Variants in KHDRBS2 observed in about 807,000 individuals in gnomAD.
KHDRBS2 encodes KH domain-containing, RNA-binding, signal transduction-associated protein 2.
A neutral mutation model predicts 44.3 loss-of-function variants in KHDRBS2; 26 were observed. The observed-to-expected ratio is 0.59, with a 90% CI of 0.43 to 0.81. The LOEUF (loss-of-function observed/expected upper bound fraction) is 0.81, where lower values mean the gene tolerates loss of function less well. Ranked by LOEUF, KHDRBS2 falls within the 40% of genes least tolerant of loss-of-function variation. The pLI, the probability that KHDRBS2 is intolerant of heterozygous loss-of-function variation, is 0.00. For missense variants in KHDRBS2, 476 were observed against 433.1 expected (o/e 1.10, Z -0.88); for synonymous variants, 194 against 151.1 (o/e 1.28, Z -2.08).
intron 2 of KHDRBS2, among the ~76,000 whole-genome samples, chr6:62,088,540 C>T (rs1457785195): frequency 1.3e-5 from 2 of 152,206 alleles, no homozygotes; most frequent in African/African-American, 4.8e-5. Flanking sequence ...GGCTGCAGAA[C>T]AGCAAAGATT....
At chr6:61,622,334 T>C in the KHDRBS2 span, among the ~76,000 whole-genome samples, 12 of 152,172 alleles carry the variant, frequency 7.9e-5, no homozygotes, top group Non-Finnish European at 1.6e-4. Context: ...TTTTTGGCTA[T>C]TGGGTCAATA....
chr6:61,779,757 T>G (rs1381987267), intron 6 of KHDRBS2, among the ~76,000 whole-genome samples: 2 of 152,170 alleles, frequency 1.3e-5, no homozygotes, highest in African/African-American at 4.8e-5. Context: ...ATTTTTTACC[T>G]TAACAATTGT....
the KHDRBS2 span, among the ~76,000 whole-genome samples, chr6:61,600,175 T>C: frequency 2.6e-5 from 4 of 152,182 alleles, no homozygotes; most frequent in Admixed American, 1.3e-4. Context: ...CCTGGGAATA[T>C]GAGTGGTAAG....
chr6:61,920,754 A>C (rs1807932361), intron 4 of KHDRBS2, among the ~76,000 whole-genome samples: 1 of 151,980 alleles, frequency 6.6e-6, no homozygotes, highest in Admixed American at 6.6e-5. Context: ...CAGTCAGAGT[A>C]CGTTTAGACA....
chr6:61,733,132 G>A (rs1444725729), intron 6 of KHDRBS2, among the ~76,000 whole-genome samples: 1 of 151,900 alleles, frequency 6.6e-6, no homozygotes, highest in Non-Finnish European at 1.5e-5. Flanking sequence ...TATCCCACTG[G>A]GAATTTTTTC....
intron 6 of KHDRBS2, among the ~76,000 whole-genome samples, chr6:61,797,214 G>T (rs1256883552): frequency 2.0e-5 from 3 of 152,046 alleles, no homozygotes; most frequent in Non-Finnish European, 4.4e-5. Flanking sequence ...CAGTAAAAAA[G>T]AAATTGAGTG....
chr6:62,025,285 C>A (rs551170180), intron 3 of KHDRBS2, among the ~76,000 whole-genome samples: 1 of 151,592 alleles, frequency 6.6e-6, no homozygotes, highest in East Asian at 1.9e-4. Context: ...TTCAATTTTT[C>A]ATGTTTCCTT....
chr6:61,615,933 C>T, the KHDRBS2 span, among the ~76,000 whole-genome samples: 2 of 152,092 alleles, frequency 1.3e-5, no homozygotes, highest in African/African-American at 4.8e-5. Flanking sequence ...TGGATAAATT[C>T]AAAGTTGACC....
chr6:61,685,067 T>A (rs1280217402), intron 8 of KHDRBS2, among the ~76,000 whole-genome samples: 1 of 151,784 alleles, frequency 6.6e-6, no homozygotes, highest in Non-Finnish European at 1.5e-5. Flanking sequence ...TCATAGGTTA[T>A]GACACAATTT....
At chr6:61,949,380 A>G (rs745461603) in intron 4 of KHDRBS2, among the ~76,000 whole-genome samples, 35 of 152,078 alleles carry the variant, frequency 2.3e-4, no homozygotes, top group Non-Finnish European at 3.8e-4. Context: ...CATGCTTTTT[A>G]TGGTGAACAA....
At chr6:61,954,105 TCA>T (rs1477963086) in intron 4 of KHDRBS2, among the ~76,000 whole-genome samples, 5 of 152,106 alleles carry the variant, frequency 3.3e-5, no homozygotes, top group African/African-American at 1.2e-4. Context: ...CACAGGCATC[TCA>T]GAGTGCCACA....
At chr6:61,990,969 A>C (rs1479559422) in intron 3 of KHDRBS2, among the ~76,000 whole-genome samples, 1 of 152,118 alleles carries the variant, frequency 6.6e-6, no homozygotes, top group African/African-American at 2.4e-5. Context: ...TGGCCTCCCA[A>C]AATGCTGGGA....
rs1584151093 is a variant in KHDRBS2, at chr6:62,012,861, C to T, written c.337-34649G>A. ...CCTGAGGCATTTTCCTGTTTGCTTG[C>T]TTATCTATTTTCTTTCACTTCCACT... On this transcript the variant is annotated intron_variant, in intron 3 of 8. Transcript: ENST00000281156. 2.0e-5 allele frequency among the ~76,000 whole-genome samples: 3 copies of T among 152,232 alleles called. No individual in the cohort carries two copies. The South Asian group carries it at 6.2e-4, about 32-fold the overall frequency.
intron 6 of KHDRBS2, chr6:61,816,776 C>T (rs879813018): frequency 1.9e-5 from 7 of 370,720 alleles, no homozygotes; most frequent in South Asian, 1.4e-4. Context: ...TCACCATATT[C>T]ATTCAAGGTG....
chr6:61,562,493 C>T, the KHDRBS2 span, among the ~76,000 whole-genome samples: 32 of 152,068 alleles, frequency 2.1e-4, no homozygotes, highest in Admixed American at 1.9e-3. Flanking sequence ...TTCCTTTCCC[C>T]CTTTTTCTTA....
intron 2 of KHDRBS2, among the ~76,000 whole-genome samples, chr6:62,150,956 C>A (rs1266376149): frequency 2.0e-5 from 3 of 152,126 alleles, no homozygotes; most frequent in Non-Finnish European, 1.5e-5. Context: ...AATCTCAATT[C>A]TCCTAGGACA....
At chr6:61,632,893 C>T in the KHDRBS2 span, among the ~76,000 whole-genome samples, 2 of 152,040 alleles carry the variant, frequency 1.3e-5, no homozygotes, top group Non-Finnish European at 2.9e-5. Flanking sequence ...ATTCTCTTTG[C>T]TTAAAAATTC....
chr6:62,238,161 T>A (rs9446101), intron 1 of KHDRBS2, among the ~76,000 whole-genome samples: 4,962 of 152,238 alleles, frequency 0.033, 275 homozygotes, highest in African/African-American at 0.11. Context: ...TTTTAATTTA[T>A]ACACCCACAT....
chr6:61,854,902 G>T (rs1287125507), intron 6 of KHDRBS2, among the ~76,000 whole-genome samples: 2 of 152,132 alleles, frequency 1.3e-5, no homozygotes, highest in Admixed American at 6.6e-5. Context: ...CTTCTTGAAA[G>T]ACCATATATC....
Sources: allele counts gnomAD v4.1 joint callset (sites outside exome capture counted in the v4.1 genomes callset), GRCh38; gene constraint gnomAD v4.1.1; transcripts MANE v1.5; gene names NCBI Gene and HGNC (gene_info 2026-07-23, HGNC 2026-07-21).